RAPGEF2: variants seen among roughly 807,000 people sequenced by gnomAD.
The protein encoded by RAPGEF2 is Rap guanine nucleotide exchange factor 2.
In RAPGEF2, 54 loss-of-function variants were observed where a neutral mutation model predicts 186.7. The ratio of observed to expected loss-of-function variants is 0.29; its 90% CI spans 0.23 to 0.36. The LOEUF (loss-of-function observed/expected upper bound fraction) is 0.36. RAPGEF2 is among the 10% of genes least tolerant of loss of function. RAPGEF2 has a pLI of 1.00. For missense variants in RAPGEF2, 1,532 were observed against 2,045.0 expected, an observed-to-expected ratio of 0.75 and a Z score of 4.84; for synonymous variants, 712 against 705.9, an observed-to-expected ratio of 1.01 and a Z score of -0.14.
intron 1 of RAPGEF2, among the ~76,000 whole-genome samples, chr4:159,170,081 C>CTT (rs36018963): frequency 6.8e-4 from 99 of 146,150 alleles, no homozygotes; most frequent in African/African-American, 1.3e-3. Flanking sequence ...ATGCTCATCT[C>CTT]TTTTTTTTTT....
At chr4:159,136,833 G>A (rs189030455) in intron 1 of RAPGEF2, among the ~76,000 whole-genome samples, 12 of 152,138 alleles carry the variant, frequency 7.9e-5, no homozygotes, top group Non-Finnish European at 1.3e-4. Flanking sequence ...CCTTCCTTAA[G>A]GAATAATTTT....
rs1276721441 is a variant in RAPGEF2, at chr4:159,243,809, T to C, written c.543+18T>C. 1.6e-6 allele frequency: 2 copies of C among 1,271,430 alleles called. No homozygotes were observed. 78.8% of individuals were successfully genotyped at this position (1,271,430 alleles called of 1,614,324 possible). On this transcript the variant is annotated intron_variant, in intron 7 of 29. Transcript: ENST00000691494. ...AATCTCAGGTATTGTAATTTGTGTG[T>C]GGTCTTCTGACACTAACCTAAGTTT...
At chr4:159,303,395 G>A (rs1040031678) in intron 7 of RAPGEF2, among the ~76,000 whole-genome samples, 2 of 152,044 alleles carry the variant, frequency 1.3e-5, no homozygotes, top group African/African-American at 2.4e-5. Context: ...CAGGAAAAAG[G>A]GAGTGTTATC....
chr4:159,302,791 TA>T (rs1391723027), intron 7 of RAPGEF2, among the ~76,000 whole-genome samples: 22 of 151,960 alleles, frequency 1.4e-4, no homozygotes, highest in Admixed American at 4.6e-4. Flanking sequence ...TTTTATTTTT[TA>T]TTTTTTTTAT....
chr4:159,223,018 T>C (rs1751683408), intron 4 of RAPGEF2, among the ~76,000 whole-genome samples: 1 of 152,048 alleles, frequency 6.6e-6, no homozygotes, highest in Non-Finnish European at 1.5e-5. Context: ...TTCCATGTAT[T>C]GTAAGCTGTT....
intron 1 of RAPGEF2, among the ~76,000 whole-genome samples, chr4:159,174,441 C>T (rs1746239283): frequency 6.6e-6 from 1 of 152,134 alleles, no homozygotes. Flanking sequence ...CTCTGGGGCT[C>T]CCTGACACCA....
At chr4:159,261,323 A>G (rs374338944) in intron 7 of RAPGEF2, among the ~76,000 whole-genome samples, 15 of 152,202 alleles carry the variant, frequency 9.9e-5, no homozygotes, top group African/African-American at 3.6e-4. Flanking sequence ...TGACCTCCCA[A>G]AGTGCTGGGA....
At chr4:159,247,427 C>T (rs1385612233) in intron 7 of RAPGEF2, among the ~76,000 whole-genome samples, 1 of 152,106 alleles carries the variant, frequency 6.6e-6, no homozygotes, top group African/African-American at 2.4e-5. Context: ...ATATTTTGTA[C>T]AGAAAGAATC....
intron 3 of RAPGEF2, among the ~76,000 whole-genome samples, chr4:159,195,736 T>A (rs1363247334): frequency 6.6e-6 from 1 of 151,902 alleles, no homozygotes; most frequent in Non-Finnish European, 1.5e-5. Context: ...AAACACACAC[T>A]CTCTCCCTGC....
At chr4:159,185,564 A>G (rs1398017673) in intron 1 of RAPGEF2, among the ~76,000 whole-genome samples, 2 of 152,218 alleles carry the variant, frequency 1.3e-5, no homozygotes, top group Admixed American at 6.5e-5. Context: ...GTTGTCCCCA[A>G]AGATCATATA....
chr4:159,136,014 CA>C (rs1274318217), intron 1 of RAPGEF2, among the ~76,000 whole-genome samples: 6 of 152,186 alleles, frequency 3.9e-5, no homozygotes, highest in African/African-American at 1.4e-4. Context: ...AATTTAAGTA[CA>C]TTTGTCAAAA....
intron 1 of RAPGEF2, among the ~76,000 whole-genome samples, chr4:159,149,124 A>T (rs1743256489): frequency 6.6e-6 from 1 of 152,242 alleles, no homozygotes. Flanking sequence ...TCTGGGAAAT[A>T]CTGTTCTAAA....
At chr4:159,216,085 C>G (rs1477594857) in intron 4 of RAPGEF2, among the ~76,000 whole-genome samples, 8 of 152,196 alleles carry the variant, frequency 5.3e-5, no homozygotes, top group Admixed American at 5.2e-4. Context: ...AGGGCCCTTT[C>G]CATGCTTATC....
At chr4:159,279,296 A>C (rs1166013365) in intron 7 of RAPGEF2, among the ~76,000 whole-genome samples, 1 of 152,250 alleles carries the variant, frequency 6.6e-6, no homozygotes, top group East Asian at 1.9e-4. Flanking sequence ...TTGTACGTGC[A>C]GATGCATGCG....
At chr4:159,266,223 G>T (rs1757407504) in intron 7 of RAPGEF2, among the ~76,000 whole-genome samples, 1 of 152,086 alleles carries the variant, frequency 6.6e-6, no homozygotes, top group African/African-American at 2.4e-5. Flanking sequence ...CCAAAAGAGT[G>T]ATGTGGTGGG....
At chr4:159,132,063 A>G (rs1206864952) in intron 1 of RAPGEF2, among the ~76,000 whole-genome samples, 1 of 152,204 alleles carries the variant, frequency 6.6e-6, no homozygotes, top group Non-Finnish European at 1.5e-5. Context: ...AACTGTTGCC[A>G]TTAGGATAAT....
At chr4:159,141,749 A>G (rs1742364037) in intron 1 of RAPGEF2, among the ~76,000 whole-genome samples, 1 of 152,208 alleles carries the variant, frequency 6.6e-6, no homozygotes, top group Admixed American at 6.5e-5. Context: ...GAGAAGTGAA[A>G]AATTTTATCA....
chr4:159,220,764 A>G (rs1056866755), intron 4 of RAPGEF2, among the ~76,000 whole-genome samples: 3 of 152,154 alleles, frequency 2.0e-5, no homozygotes, highest in Non-Finnish European at 2.9e-5. Context: ...TGTGGGCTCT[A>G]TTATTCATCT....
chr4:159,292,227 T>C (rs954802158), intron 7 of RAPGEF2, among the ~76,000 whole-genome samples: 2 of 152,194 alleles, frequency 1.3e-5, no homozygotes, highest in Non-Finnish European at 2.9e-5. Context: ...AATATCTCTC[T>C]GCCCCAATCC....
Sources: gnomAD v4.1 joint callset for allele counts (sites outside exome capture counted in the v4.1 genomes callset) on GRCh38, gnomAD v4.1.1 for gene constraint, MANE v1.5 for transcripts, NCBI Gene and HGNC (gene_info 2026-07-23, HGNC 2026-07-21) for gene names.